HOOK3: variants seen among roughly 807,000 people sequenced by gnomAD.
HOOK3 encodes the protein protein Hook homolog 3.
A neutral mutation model predicts 116.3 loss-of-function variants in HOOK3; 24 were observed. The observed-to-expected ratio is 0.21, with a 90% CI of 0.15 to 0.29. The LOEUF (loss-of-function observed/expected upper bound fraction) is 0.29. Among genes scored for constraint, HOOK3 ranks in the 10% least tolerant of loss-of-function variants. The probability of loss-of-function intolerance (pLI) is 1.00; values close to 1 mark genes in which losing one functional copy is unlikely to be tolerated. For synonymous variants in HOOK3, 275 were observed against 283.0 expected (o/e 0.97, Z 0.28); for missense variants, 632 against 830.2 (o/e 0.76, Z 2.93).
At position 43,013,056 on chromosome 8, in the gene HOOK3, C is replaced by T. The variant is rs201881395; in HGVS notation, c.1845C>T (p.Ile615=). 6.3e-5 allele frequency: 100 copies of T among 1,599,056 alleles called. No individual in the cohort carries two copies. Among genetic ancestry groups the T allele is most frequent in the Non-Finnish European group, 8.5e-5 (100 of 1,173,718 alleles). ...KKYLEKAKSV[I]RTLDPKQNQG... ...TCTTTTATTATTTTTTGCAGGTCAT[C>T]CGTACTTTAGATCCTAAACAGAATC... The change falls in exon 20 of 22, where the codon ATC becomes ATT. Residue 615 remains isoleucine (I), a synonymous_variant. Coordinates refer to ENST00000307602, the MANE Select transcript of HOOK3 (RefSeq NM_032410.4).
intron 15 of HOOK3, among the ~76,000 whole-genome samples, chr8:42,987,667 C>G (rs1247488963): frequency 2.0e-5 from 3 of 152,164 alleles, no homozygotes; most frequent in African/African-American, 7.2e-5. Context: ...AATCACTTTT[C>G]TGCTTGTAAG....
Position 42,957,126 on chromosome 8 carries a change from A to G in HOOK3, c.501A>G (p.Gly167=). 6.3e-7 allele frequency: 1 copy of G among 1,598,092 alleles called. No homozygotes were observed. ...GTAAAGAATCTCCTGTCTCTGCTGG[A>G]AATGATGCCTATGTTGACCTTGATC... ...LMSKESPVSA[G]NDAYVDLDRQ... Residue 167 remains glycine (G), a synonymous_variant, in exon 7 of 22, where the codon GGA becomes GGG. Transcript: ENST00000307602.
chr8:42,971,581 A>G (rs1193231308), intron 11 of HOOK3, among the ~76,000 whole-genome samples: 1 of 151,610 alleles, frequency 6.6e-6, no homozygotes, highest in Non-Finnish European at 1.5e-5. Flanking sequence ...TTTATTTTTT[A>G]AATGATAATA....
chr8:42,980,455 A>C (rs967451828), intron 13 of HOOK3, among the ~76,000 whole-genome samples: 1 of 152,034 alleles, frequency 6.6e-6, no homozygotes, highest in Non-Finnish European at 1.5e-5. Context: ...GTTAATACCC[A>C]ATGTGGTAGT....
At chr8:42,986,329 T>C (rs1172605096) in intron 14 of HOOK3, among the ~76,000 whole-genome samples, 2 of 152,204 alleles carry the variant, frequency 1.3e-5, no homozygotes, top group Non-Finnish European at 1.5e-5. Flanking sequence ...TTAGAGATTA[T>C]GTTCTCTGAT....
chr8:43,018,026 C>A (rs1809754974), intron 21 of HOOK3, among the ~76,000 whole-genome samples: 1 of 152,236 alleles, frequency 6.6e-6, no homozygotes, highest in South Asian at 2.1e-4. Context: ...TCAACTGCTA[C>A]CAATCATACT....
intron 13 of HOOK3, 100 bp downstream of exon 13, chr8:42,974,294 G>T: frequency 1.3e-6 from 1 of 795,024 alleles, no homozygotes; most frequent in Non-Finnish European, 2.1e-6. Flanking sequence ...GCACTGTCTT[G>T]GCTCACTGCA....
intron 17 of HOOK3, among the ~76,000 whole-genome samples, chr8:43,005,032 A>T (rs2130477754): frequency 6.6e-6 from 1 of 152,194 alleles, no homozygotes; most frequent in East Asian, 1.9e-4. Context: ...CAAACAATAG[A>T]ATACCAAACA....
intron 18 of HOOK3, among the ~76,000 whole-genome samples, chr8:43,008,652 TTTTTA>T (rs1472810615): frequency 6.7e-6 from 1 of 148,474 alleles, no homozygotes; most frequent in Non-Finnish European, 1.5e-5. Context: ...TTTATTTTTA[TTTTTA>T]TTTTTATTTT....
chr8:42,989,651 A>AT (rs1446118055), intron 15 of HOOK3, among the ~76,000 whole-genome samples: 3 of 152,122 alleles, frequency 2.0e-5, no homozygotes, highest in Admixed American at 6.5e-5. Flanking sequence ...CAATTACATT[A>AT]TTTTTTACTA....
intron 2 of HOOK3, among the ~76,000 whole-genome samples, chr8:42,907,816 C>CAAAAAGA (rs1807341143): frequency 2.2e-5 from 1 of 46,196 alleles, no homozygotes; most frequent in African/African-American, 6.5e-5. Flanking sequence ...AGCAACGAGG[C>CAAAAAGA]AAAAAAAAAA....
In HOOK3 at chr8:43,028,867, G is replaced by T. The variant is rs1029652822; in HGVS notation, c.*10369G>T. The T allele has an allele frequency of 1.0e-5, 2 of 200,198 alleles. No homozygotes were observed. The highest frequency in any genetic ancestry group is 2.3e-5 in the African/African-American group (1 of 43,454). 12.4% of individuals were successfully genotyped at this position (200,198 alleles called of 1,614,324 possible). On this transcript the variant is annotated 3_prime_UTR_variant, in exon 22 of 22. Coordinates refer to ENST00000307602, the MANE Select transcript of HOOK3 (RefSeq NM_032410.4). ...CTTTCTTCTTTCTCTTTAAATTTTT[G>T]TAATCAAGCAACAGACTTGATCCAG...
At chr8:42,970,284 G>A (rs1485230590) in intron 11 of HOOK3, among the ~76,000 whole-genome samples, 1 of 152,086 alleles carries the variant, frequency 6.6e-6, no homozygotes, top group Non-Finnish European at 1.5e-5. Context: ...TGTTCCCTTG[G>A]TATATTTATC....
At chr8:42,922,130 A>G (rs1262344627) in intron 2 of HOOK3, among the ~76,000 whole-genome samples, 1 of 152,232 alleles carries the variant, frequency 6.6e-6, no homozygotes, top group Non-Finnish European at 1.5e-5. Flanking sequence ...ATAAGAGCTA[A>G]GTTATGTAAA....
intron 13 of HOOK3, among the ~76,000 whole-genome samples, chr8:42,982,123 C>T (rs1322606853): frequency 3.4e-5 from 5 of 149,072 alleles, no homozygotes; most frequent in South Asian, 2.1e-4. Context: ...GGCGTGGTGG[C>T]GGGCGCCTGT....
In HOOK3 at chr8:43,027,304, T is replaced by C. The variant is rs1327476741; in HGVS notation, c.*8806T>C. On this transcript the variant is annotated 3_prime_UTR_variant, in exon 22 of 22. Coordinates refer to ENST00000307602, the MANE Select transcript of HOOK3 (RefSeq NM_032410.4). ...CATTTGTAACTTGAGTATATTAATA[T>C]TCAAATCATAGTTCAAAAATACTGA... 3.5e-6 allele frequency: 1 copy of C among 288,120 alleles called. No individual in the cohort carries two copies. The highest frequency in any genetic ancestry group is 2.2e-5 in the African/African-American group (1 of 45,014). 17.8% of individuals were successfully genotyped at this position (288,120 alleles called of 1,614,324 possible).
chr8:42,986,127 C>G (rs1007675836), intron 14 of HOOK3, among the ~76,000 whole-genome samples: 1 of 152,116 alleles, frequency 6.6e-6, no homozygotes, highest in Non-Finnish European at 1.5e-5. Flanking sequence ...TTTAATATCC[C>G]TTAATGTAAG....
In HOOK3 at chr8:43,027,982, A is replaced by AAG. The variant is rs1563318592; in HGVS notation, c.*9484_*9485insAG. 1 of 193,522 alleles carries AAG rather than the reference A, an allele frequency of 5.2e-6. No homozygotes were observed. The highest frequency in any genetic ancestry group is 1.1e-5 in the Non-Finnish European group (1 of 92,866). 12.0% of individuals were successfully genotyped at this position (193,522 alleles called of 1,614,324 possible). The stretch of plus-strand genomic sequence containing the variant: ...AAGACAACTCTGAGATTTTACCACC[A>AAG]TACTTAGAGAAAGTTTTTCTGTTAT... On this transcript the variant is annotated 3_prime_UTR_variant, in exon 22 of 22. Transcript: ENST00000307602.
chr8:43,015,596 T>A (rs1448284650), intron 21 of HOOK3, among the ~76,000 whole-genome samples: 1 of 152,212 alleles, frequency 6.6e-6, no homozygotes, highest in Non-Finnish European at 1.5e-5. Context: ...ACTATATATT[T>A]AAAGAAATTC....
Sources: allele counts gnomAD v4.1 joint callset (sites outside exome capture counted in the v4.1 genomes callset), GRCh38; gene constraint gnomAD v4.1.1; transcripts MANE v1.5; gene names NCBI Gene and HGNC (gene_info 2026-07-23, HGNC 2026-07-21).